PTPN14: variants seen among roughly 807,000 people sequenced by gnomAD.
PTPN14 encodes the protein tyrosine-protein phosphatase non-receptor type 14.
A neutral mutation model predicts 126.8 loss-of-function variants in PTPN14; 53 were observed. The ratio of observed to expected loss-of-function variants is 0.42; its 90% CI spans 0.34 to 0.53. The LOEUF (loss-of-function observed/expected upper bound fraction) is 0.53. PTPN14 is among the 20% of genes least tolerant of loss of function. The pLI, the probability that PTPN14 is intolerant of heterozygous loss-of-function variation, is 0.08. For synonymous variants in PTPN14, 630 were observed against 599.3 expected (o/e 1.05, Z -0.75); for missense variants, 1,257 against 1,552.9 (o/e 0.81, Z 3.20).
intron 1 of PTPN14, among the ~76,000 whole-genome samples, chr1:214,494,736 T>C (rs1438400750): frequency 2.6e-5 from 4 of 152,090 alleles, no homozygotes; most frequent in Non-Finnish European, 4.4e-5. Flanking sequence ...AAGAGTGGCC[T>C]CTCCTGATGT....
chr1:214,527,440 A>C (rs1655428452), intron 1 of PTPN14, among the ~76,000 whole-genome samples: 1 of 152,190 alleles, frequency 6.6e-6, no homozygotes, highest in Non-Finnish European at 1.5e-5. Context: ...ATCACTTCAG[A>C]ATTCAAAAAT....
At chr1:214,389,035 A>C (rs888327382) in intron 11 of PTPN14, among the ~76,000 whole-genome samples, 3 of 152,230 alleles carry the variant, frequency 2.0e-5, no homozygotes, top group African/African-American at 7.2e-5. Flanking sequence ...TATATTCCCA[A>C]GTCTCCCTTT....
chr1:214,412,158 T>C (rs1158938593), intron 4 of PTPN14, among the ~76,000 whole-genome samples: 2 of 152,218 alleles, frequency 1.3e-5, no homozygotes, highest in Admixed American at 1.3e-4. Flanking sequence ...TATATGCAGC[T>C]GGAAATTCCC....
intron 3 of PTPN14, among the ~76,000 whole-genome samples, chr1:214,436,716 G>A (rs1198782187): frequency 6.6e-6 from 1 of 151,394 alleles, no homozygotes; most frequent in African/African-American, 2.4e-5. Context: ...GAACCCGGGA[G>A]GCGGAGGTTG....
chr1:214,382,313 C>T (rs1242292283), intron 13 of PTPN14, among the ~76,000 whole-genome samples: 1 of 151,288 alleles, frequency 6.6e-6, no homozygotes, highest in Non-Finnish European at 1.5e-5. Flanking sequence ...AACTGTCTCC[C>T]CAAATTGTAC....
At chr1:214,411,585 A>G in intron 5 of PTPN14, 99 bp downstream of exon 5, 1 of 855,198 alleles carries the variant, frequency 1.2e-6, no homozygotes, top group Non-Finnish European at 1.8e-6. Context: ...CTTTTTCCCC[A>G]GGGAATATGC....
chr1:214,434,538 A>G, intron 3 of PTPN14, among the ~76,000 whole-genome samples: 1 of 152,218 alleles, frequency 6.6e-6, no homozygotes, highest in African/African-American at 2.4e-5. Flanking sequence ...AAAGGCATCC[A>G]ATGGTAGTAG....
chr1:214,502,993 T>A (rs1000676117), intron 1 of PTPN14, among the ~76,000 whole-genome samples: 3 of 152,140 alleles, frequency 2.0e-5, no homozygotes, highest in African/African-American at 7.2e-5. Context: ...CCAGCCTAAC[T>A]CTACAAAAGT....
At chr1:214,496,099 A>G (rs990163624) in intron 1 of PTPN14, among the ~76,000 whole-genome samples, 1 of 152,236 alleles carries the variant, frequency 6.6e-6, no homozygotes, top group Non-Finnish European at 1.5e-5. Context: ...TCCTGAGCTT[A>G]TAATTTGCTC....
intron 1 of PTPN14, among the ~76,000 whole-genome samples, chr1:214,512,035 C>G (rs1654986300): frequency 6.6e-6 from 1 of 152,092 alleles, no homozygotes; most frequent in South Asian, 2.1e-4. Context: ...GGCTGCATCT[C>G]CCAGGGCTAG....
At chr1:214,435,487 T>C (rs1659891241) in intron 3 of PTPN14, among the ~76,000 whole-genome samples, 1 of 151,810 alleles carries the variant, frequency 6.6e-6, no homozygotes, top group Admixed American at 6.6e-5. Flanking sequence ...AAATAGTTCA[T>C]GAAACCCTTT....
At chr1:214,405,220 C>T (rs1179047498) in intron 5 of PTPN14, among the ~76,000 whole-genome samples, 1 of 152,178 alleles carries the variant, frequency 6.6e-6, no homozygotes, top group African/African-American at 2.4e-5. Context: ...CTCCTCTCTC[C>T]CCAGCTGGAC....
intron 1 of PTPN14, among the ~76,000 whole-genome samples, chr1:214,524,244 G>A (rs953263961): frequency 1.3e-5 from 2 of 152,180 alleles, no homozygotes; most frequent in African/African-American, 2.4e-5. Context: ...TCTATAGAAC[G>A]ATTTTCTTAT....
intron 3 of PTPN14, among the ~76,000 whole-genome samples, chr1:214,421,908 G>C (rs1324517898): frequency 6.6e-6 from 1 of 152,046 alleles, no homozygotes; most frequent in Non-Finnish European, 1.5e-5. Context: ...CTCTCAACAA[G>C]TTAGTGAACC....
intron 9 of PTPN14, among the ~76,000 whole-genome samples, chr1:214,394,437 T>C (rs1658828870): frequency 6.6e-6 from 1 of 152,218 alleles, no homozygotes; most frequent in African/African-American, 2.4e-5. Context: ...AGATGGAGTC[T>C]AGCTCTGTTG....
intron 1 of PTPN14, among the ~76,000 whole-genome samples, chr1:214,497,546 T>C (rs1000499991): frequency 6.6e-6 from 1 of 152,106 alleles, no homozygotes; most frequent in African/African-American, 2.4e-5. Context: ...CATACATCTA[T>C]GAAAAAGGAT....
At position 214,443,541 on chromosome 1, in the gene PTPN14, T is replaced by G. The variant is rs556937962; in HGVS notation, c.344+8264A>C. 1.4e-4 allele frequency among the ~76,000 whole-genome samples: 21 copies of G among 152,090 alleles called. 1 individual carries two copies. The South Asian group carries it at 4.2e-3, about 30-fold the overall frequency. On this transcript the variant is annotated intron_variant, in intron 3 of 18. Transcript: ENST00000366956. ...TCAAATCAGTAAATCCACCGATACT[T>G]AAGAATAAATCGCAAGATAACAACA...
At chr1:214,417,168 G>C (rs373897103) in intron 3 of PTPN14, among the ~76,000 whole-genome samples, 27 of 152,090 alleles carry the variant, frequency 1.8e-4, no homozygotes, top group East Asian at 7.7e-4. Flanking sequence ...TGACTCTTGA[G>C]GCCCAATGAA....
intron 1 of PTPN14, among the ~76,000 whole-genome samples, chr1:214,505,063 C>G (rs1397270229): frequency 6.6e-6 from 1 of 151,936 alleles, no homozygotes; most frequent in Non-Finnish European, 1.5e-5. Context: ...TGTGGCCAGT[C>G]TCATGGAAAG....
Sources: gnomAD v4.1 joint callset for allele counts (sites outside exome capture counted in the v4.1 genomes callset) on GRCh38, gnomAD v4.1.1 for gene constraint, MANE v1.5 for transcripts, NCBI Gene and HGNC (gene_info 2026-07-23, HGNC 2026-07-21) for gene names.